NLGN4X: variants seen among roughly 807,000 people sequenced by gnomAD.
The protein encoded by NLGN4X is neuroligin-4, X-linked.
A neutral mutation model predicts 40.3 loss-of-function variants in NLGN4X; 3 were observed. The observed-to-expected ratio is 0.07, with a 90% CI of 0.03 to 0.19. The LOEUF (loss-of-function observed/expected upper bound fraction) is 0.19, where lower values mean the gene tolerates loss of function less well. Ranked by LOEUF, NLGN4X falls within the 10% of genes least tolerant of loss-of-function variation. The pLI, the probability that NLGN4X is intolerant of heterozygous loss-of-function variation, is 1.00. For synonymous variants in NLGN4X, 270 were observed against 306.8 expected, an observed-to-expected ratio of 0.88 and a Z score of 1.25; for missense variants, 382 against 708.3, an observed-to-expected ratio of 0.54 and a Z score of 5.23.
At chrX:6,159,328 C>CA (rs1294662716) in intron 1 of NLGN4X, among the ~76,000 whole-genome samples, 3 of 111,173 alleles carry the variant, frequency 2.7e-5, no homozygotes, top group Non-Finnish European at 3.8e-5. Flanking sequence ...TCAGTGGGTA[C>CA]AATACTATGT....
intron 2 of NLGN4X, among the ~76,000 whole-genome samples, chrX:6,039,395 A>T (rs1044142260): frequency 1.8e-5 from 2 of 111,884 alleles, no homozygotes; most frequent in African/African-American, 6.5e-5. Context: ...GAATGAGCCC[A>T]GCCAAGACCA....
chrX:6,092,959 A>G (rs2038677323), intron 2 of NLGN4X, among the ~76,000 whole-genome samples: 1 of 111,407 alleles, frequency 9.0e-6, no homozygotes, highest in Non-Finnish European at 1.9e-5. Context: ...AGAATGGAGA[A>G]GTGTCAGTAT....
intron 3 of NLGN4X, among the ~76,000 whole-genome samples, chrX:5,996,897 C>A (rs140847843): frequency 0.013 from 1,433 of 111,622 alleles, 28 homozygotes; most frequent in African/African-American, 0.043. Context: ...TATGCCCGGT[C>A]TATCCTCATC....
chrX:5,907,827 C>T, intron 4 of NLGN4X, among the ~76,000 whole-genome samples: 1 of 105,181 alleles, frequency 9.5e-6, no homozygotes, highest in Non-Finnish European at 1.9e-5. Context: ...GCTGACCTGA[C>T]CAGGAAGGAG....
At chrX:6,088,179 G>A (rs1292132822) in intron 2 of NLGN4X, among the ~76,000 whole-genome samples, 1 of 112,598 alleles carries the variant, frequency 8.9e-6, no homozygotes, top group East Asian at 2.8e-4. Flanking sequence ...TTTCTACGTG[G>A]CATTTGTCAT....
chrX:6,026,166 C>T (rs1263524043), intron 3 of NLGN4X, among the ~76,000 whole-genome samples: 2 of 109,952 alleles, frequency 1.8e-5, no homozygotes, highest in African/African-American at 3.3e-5. Flanking sequence ...GCCAGCATTC[C>T]GCTTCCATTA....
intron 3 of NLGN4X, among the ~76,000 whole-genome samples, chrX:5,951,110 T>G (rs2034294396): frequency 1.8e-5 from 2 of 112,304 alleles, no homozygotes; most frequent in African/African-American, 6.5e-5. Flanking sequence ...TGGTTTTTAA[T>G]GAATTTATTC....
At chrX:6,004,645 A>G (rs1257692769) in intron 3 of NLGN4X, among the ~76,000 whole-genome samples, 4 of 112,049 alleles carry the variant, frequency 3.6e-5, no homozygotes, top group African/African-American at 1.3e-4. Flanking sequence ...ATCACTAAAC[A>G]TTAAGTGATG....
intron 2 of NLGN4X, among the ~76,000 whole-genome samples, chrX:6,044,105 A>AT (rs2147268774): frequency 1.5e-5 from 1 of 66,319 alleles, no homozygotes; most frequent in East Asian, 3.6e-4. Context: ...TGTTTCTATT[A>AT]AAAATAAATA....
chrX:6,086,275 T>A (rs2147426938), intron 2 of NLGN4X, among the ~76,000 whole-genome samples: 1 of 112,246 alleles, frequency 8.9e-6, no homozygotes, highest in East Asian at 2.8e-4. Context: ...TTTTCATGTG[T>A]CATGGCTGCT....
chrX:5,897,564 G>C (rs1049733684), intron 5 of NLGN4X, among the ~76,000 whole-genome samples: 4 of 111,768 alleles, frequency 3.6e-5, no homozygotes, highest in African/African-American at 1.3e-4. Flanking sequence ...CTCTGACCTG[G>C]ACTAACATTG....
intron 2 of NLGN4X, among the ~76,000 whole-genome samples, chrX:6,091,567 C>A: frequency 9.0e-6 from 1 of 111,017 alleles, no homozygotes; most frequent in Non-Finnish European, 1.9e-5. Context: ...CTTTCAAAAC[C>A]AATACTGGAT....
chrX:6,184,314 G>C (rs1028621416), intron 1 of NLGN4X, among the ~76,000 whole-genome samples: 9 of 111,576 alleles, frequency 8.1e-5, no homozygotes, highest in African/African-American at 3.3e-5. Context: ...GATTTTATTT[G>C]TTAACTTCTT....
At position 6,040,143 on chromosome X, in the gene NLGN4X, T is replaced by C. The variant is rs146250639; in HGVS notation, c.473-10711A>G. On this transcript the variant is annotated intron_variant, in intron 2 of 5. Transcript: ENST00000381095. ...CTTGTAGAGATAAAGTCTCACTATGTTGTGCAGGCTAGTCTTGAACTCTTG... is the reference window on the plus strand; with the variant it reads ...CTTGTAGAGATAAAGTCTCACTATGCTGTGCAGGCTAGTCTTGAACTCTTG... Among the ~76,000 whole-genome samples, 365 of 111,147 alleles carry C rather than the reference T, an allele frequency of 3.3e-3. 1 individual carries two copies. The highest frequency in any genetic ancestry group is 9.7e-3 in the African/African-American group (296 of 30,594).
At chrX:6,099,717 C>T (rs1323830240) in intron 2 of NLGN4X, among the ~76,000 whole-genome samples, 1 of 112,394 alleles carries the variant, frequency 8.9e-6, no homozygotes, top group African/African-American at 3.2e-5. Flanking sequence ...GCAAAGGATG[C>T]TGGAAAAATT....
rs111498046 is a variant in NLGN4X at position 5,979,803 on chromosome X, CAT to C, written c.625+49475_625+49476del. Among the ~76,000 whole-genome samples the C allele has an allele frequency of 7.3e-3, 697 of 95,046 alleles. 11 individuals are homozygous for C. Among genetic ancestry groups the C allele is most frequent in the African/African-American group, 0.031 (673 of 22,011 alleles). The allele number at this position is 95,046 out of a possible 115,157, so 82.5% of individuals were successfully genotyped here. A position where few individuals can be genotyped will look rare whatever the true frequency, so the allele number is the denominator to read the frequency against. On this transcript the variant is annotated intron_variant, in intron 3 of 5. Transcript: ENST00000381095. Reference sequence around the variant, plus strand: ...ATATATGTGTATATATACACACATACATATATATGTGTATATATACACACATA... The same window carrying C: ...ATATATGTGTATATATACACACATACATATATGTGTATATATACACACATA...
At chrX:6,099,950 G>A (rs780887828) in intron 2 of NLGN4X, among the ~76,000 whole-genome samples, 3 of 111,999 alleles carry the variant, frequency 2.7e-5, no homozygotes, top group Non-Finnish European at 5.6e-5. Flanking sequence ...GGTGTGGAGT[G>A]GGAAATCAGG....
chrX:6,013,365 G>T (rs2036303377), intron 3 of NLGN4X, among the ~76,000 whole-genome samples: 1 of 108,044 alleles, frequency 9.3e-6, no homozygotes, highest in African/African-American at 3.4e-5. Context: ...ACATGAAACT[G>T]GGCATTCACT....
intron 2 of NLGN4X, chrX:6,032,637 T>A: frequency 2.5e-6 from 2 of 789,708 alleles, no homozygotes; most frequent in Non-Finnish European, 3.6e-6. Context: ...AAAAGAGAGA[T>A]AGATAGATAT....
Sources: gnomAD v4.1 joint callset for allele counts (sites outside exome capture counted in the v4.1 genomes callset) on GRCh38, gnomAD v4.1.1 for gene constraint, MANE v1.5 for transcripts, NCBI Gene and HGNC (gene_info 2026-07-23, HGNC 2026-07-21) for gene names.